The following ADAMTS16 variants were observed in gnomAD, a reference collection of about 807,000 sequenced individuals.
ADAMTS16 encodes ADAM metallopeptidase with thrombospondin type 1 motif 16, also known as A disintegrin and metalloproteinase with thrombospondin motifs 16.
In ADAMTS16, 94 loss-of-function variants were observed where a neutral mutation model predicts 145.8. That is an observed-to-expected ratio of 0.64 (90% CI 0.55 to 0.77). The LOEUF is 0.77. Ranked by LOEUF, ADAMTS16 falls within the 30% of genes least tolerant of loss-of-function variation. The pLI, the probability that ADAMTS16 is intolerant of heterozygous loss-of-function variation, is 0.00. For synonymous variants in ADAMTS16, 659 were observed against 604.3 expected (o/e 1.09, Z -1.33); for missense variants, 1,585 against 1,591.5 (o/e 1.00, Z 0.07).
chr5:5,146,614 C>T (rs897905072), intron 3 of ADAMTS16, among the ~76,000 whole-genome samples, 159 bp downstream of exon 3: 11 of 152,204 alleles, frequency 7.2e-5, no homozygotes, highest in African/African-American at 2.7e-4. Flanking sequence ...TTCCAAAAAA[C>T]ATTGCGTGCC....
Position 5,242,246 on chromosome 5 carries a change from C to T in ADAMTS16, c.2662+55C>T, listed in dbSNP as rs531842175. 4.9e-5 allele frequency: 79 copies of T among 1,598,058 alleles called. No individual in the cohort carries two copies. The African/African-American group carries it at 6.0e-4, about 12-fold the overall frequency. On this transcript the variant is annotated intron_variant, in intron 17 of 22. Transcript: ENST00000274181. ...GCAGCATGTCAGCCTTCAGCCACTG[C>T]GTACATTGCACTGGCCTTTCTTGAA...
At chr5:5,308,460 C>G (rs185714025) in intron 21 of ADAMTS16, among the ~76,000 whole-genome samples, 16 of 152,178 alleles carry the variant, frequency 1.1e-4, no homozygotes, top group African/African-American at 3.6e-4. Flanking sequence ...GGTCCCCCTG[C>G]ACTGTACCAG....
chr5:5,237,465 C>G (rs143663543), intron 14 of ADAMTS16, among the ~76,000 whole-genome samples: 281 of 152,240 alleles, frequency 1.8e-3, no homozygotes, highest in African/African-American at 5.7e-3. Flanking sequence ...TTGCTAGCCA[C>G]TGATTCAGTC....
At chr5:5,267,954 G>C (rs566870131) in intron 18 of ADAMTS16, among the ~76,000 whole-genome samples, 1 of 152,288 alleles carries the variant, frequency 6.6e-6, no homozygotes, top group Admixed American at 6.5e-5. Context: ...ACCTTAATAG[G>C]TGTTCGTAGG....
At chr5:5,193,669 A>C (rs1472849153) in intron 8 of ADAMTS16, among the ~76,000 whole-genome samples, 1 of 152,238 alleles carries the variant, frequency 6.6e-6, no homozygotes, top group Non-Finnish European at 1.5e-5. Flanking sequence ...TCAAGCAAGT[A>C]TCAGTGTTGG....
chr5:5,218,744 T>G (rs1394250634), intron 10 of ADAMTS16, among the ~76,000 whole-genome samples: 2 of 152,178 alleles, frequency 1.3e-5, no homozygotes, highest in African/African-American at 2.4e-5. Flanking sequence ...AAGAGCAGGA[T>G]GGAGTGGGAA....
chr5:5,254,083 G>A (rs1426989886), intron 17 of ADAMTS16, among the ~76,000 whole-genome samples: 23 of 152,154 alleles, frequency 1.5e-4, no homozygotes, highest in Admixed American at 1.5e-3. Flanking sequence ...AATTCACACT[G>A]TCTTGGCAAC....
intron 18 of ADAMTS16, among the ~76,000 whole-genome samples, chr5:5,274,839 G>C (rs1011923732): frequency 2.0e-5 from 3 of 152,096 alleles, no homozygotes; most frequent in African/African-American, 7.2e-5. Context: ...AACTTAGCTG[G>C]TTATTTAGGT....
intron 17 of ADAMTS16, 101 bp from the exon 18 acceptor site, chr5:5,262,556 T>C (rs1738069242): frequency 6.7e-7 from 1 of 1,488,648 alleles, no homozygotes; most frequent in Admixed American, 2.2e-5. Flanking sequence ...CATGCCAGTA[T>C]GGCTAAGATT....
At chr5:5,176,847 T>C (rs1340436826) in intron 3 of ADAMTS16, among the ~76,000 whole-genome samples, 4 of 152,196 alleles carry the variant, frequency 2.6e-5, no homozygotes, top group African/African-American at 9.6e-5. Flanking sequence ...GGGAGGCATG[T>C]TGGCCATCTG....
intron 7 of ADAMTS16, among the ~76,000 whole-genome samples, chr5:5,190,393 T>A (rs1735631986): frequency 6.6e-6 from 1 of 152,158 alleles, no homozygotes; most frequent in African/African-American, 2.4e-5. Flanking sequence ...ACATATATAT[T>A]TTTTGTTTCT....
chr5:5,211,197 G>A (rs915084484), intron 10 of ADAMTS16, among the ~76,000 whole-genome samples: 1 of 152,136 alleles, frequency 6.6e-6, no homozygotes, highest in African/African-American at 2.4e-5. Context: ...GAATTCACCA[G>A]TGAGCTCTGT....
chr5:5,301,543 C>T (rs895610270), intron 18 of ADAMTS16, among the ~76,000 whole-genome samples: 20 of 152,222 alleles, frequency 1.3e-4, no homozygotes, highest in African/African-American at 4.6e-4. Flanking sequence ...TTCTGTCTCT[C>T]ACTGTGTAAC....
At chr5:5,250,082 T>C (rs1737574334) in intron 17 of ADAMTS16, among the ~76,000 whole-genome samples, 1 of 152,138 alleles carries the variant, frequency 6.6e-6, no homozygotes, top group African/African-American at 2.4e-5. Context: ...AGTCTGAGGT[T>C]TGGGGTTCTT....
intron 10 of ADAMTS16, among the ~76,000 whole-genome samples, chr5:5,211,273 A>T (rs940683613): frequency 7.2e-5 from 11 of 152,238 alleles, no homozygotes; most frequent in African/African-American, 2.4e-4. Flanking sequence ...TTCAGAAGAC[A>T]CTCCTAACTA....
Position 5,176,721 on chromosome 5 carries a change from T to G in ADAMTS16, c.502-5323T>G, listed in dbSNP as rs1204665542. Reference sequence around the variant, plus strand: ...ATAACCAAGGATAATCATAGCGCATTCTTAAATTATACTATTAAATTATAC... The same window carrying G: ...ATAACCAAGGATAATCATAGCGCATGCTTAAATTATACTATTAAATTATAC... On this transcript the variant is annotated intron_variant, in intron 3 of 22. Transcript: ENST00000274181. Among the ~76,000 whole-genome samples, 3 of 152,186 alleles carry G rather than the reference T, an allele frequency of 2.0e-5. No individual in the cohort carries two copies. The South Asian group carries it at 6.2e-4, about 32-fold the overall frequency.
At chr5:5,247,082 T>C (rs998676519) in intron 17 of ADAMTS16, among the ~76,000 whole-genome samples, 1 of 152,210 alleles carries the variant, frequency 6.6e-6, no homozygotes, top group Non-Finnish European at 1.5e-5. Context: ...GCTCATCTGA[T>C]TGGCTAACAT....
At chr5:5,268,798 G>A (rs1478545017) in intron 18 of ADAMTS16, among the ~76,000 whole-genome samples, 2 of 152,114 alleles carry the variant, frequency 1.3e-5, no homozygotes, top group Non-Finnish European at 2.9e-5. Context: ...CCACCTCTGT[G>A]GCTGCAGCAG....
At chr5:5,155,933 C>G (rs957924671) in intron 3 of ADAMTS16, among the ~76,000 whole-genome samples, 1 of 152,050 alleles carries the variant, frequency 6.6e-6, no homozygotes, top group Non-Finnish European at 1.5e-5. Flanking sequence ...CCACAGGGAA[C>G]AGACAGAAAG....
Sources: allele counts gnomAD v4.1 joint callset (sites outside exome capture counted in the v4.1 genomes callset), GRCh38; gene constraint gnomAD v4.1.1; transcripts MANE v1.5; gene names NCBI Gene and HGNC (gene_info 2026-07-23, HGNC 2026-07-21).